The following PLCE1 variants were observed in gnomAD, a reference collection of about 807,000 sequenced individuals.
PLCE1 encodes the protein 1-phosphatidylinositol 4,5-bisphosphate phosphodiesterase epsilon-1.
A neutral mutation model predicts 242.8 loss-of-function variants in PLCE1; 119 were observed. The ratio of observed to expected loss-of-function variants is 0.49; its 90% CI spans 0.42 to 0.57. The LOEUF (loss-of-function observed/expected upper bound fraction) is 0.57. Among genes scored for constraint, PLCE1 ranks in the 20% least tolerant of loss-of-function variants. PLCE1 has a pLI of 0.00. For synonymous variants in PLCE1, 945 were observed against 1,017.4 expected (o/e 0.93, Z 1.35); for missense variants, 2,441 against 2,788.8 (o/e 0.88, Z 2.81).
intron 3 of PLCE1, among the ~76,000 whole-genome samples, chr10:94,143,915 A>G (rs2047042079): frequency 6.6e-6 from 1 of 152,194 alleles, no homozygotes; most frequent in African/African-American, 2.4e-5. Context: ...CTAAGGATCT[A>G]CCTTTGAATT....
Position 94,254,313 on chromosome 10 carries a change from G to T in PLCE1, c.3397+6G>T, listed in dbSNP as rs1208275421. 1 of 1,578,326 alleles carries T rather than the reference G, an allele frequency of 6.3e-7. No homozygotes were observed. The highest frequency in any genetic ancestry group is 1.7e-5 in the Admixed American group (1 of 59,960). ...TAATGAACAAGAAGAATCAGGTAAA[G>T]CGGCATGTTTACATCTGAGATTTTT... On this transcript the variant is annotated splice_donor_region_variant and intron_variant, in intron 10 of 32. Coordinates refer to ENST00000371380, the MANE Select transcript of PLCE1 (RefSeq NM_016341.4).
chr10:94,228,779 G>A (rs1370448882), intron 5 of PLCE1, among the ~76,000 whole-genome samples: 1 of 151,860 alleles, frequency 6.6e-6, no homozygotes, highest in Admixed American at 6.6e-5. Context: ...AAATGCATCA[G>A]GCATGGCTCA....
Position 94,080,903 on chromosome 10 carries a change from G to T in PLCE1, c.1206+48651G>T, listed in dbSNP as rs574961236. Among the ~76,000 whole-genome samples the T allele has an allele frequency of 3.9e-5, 6 of 152,280 alleles. No homozygotes were observed. The South Asian group carries it at 1.2e-3, about 32-fold the overall frequency. The stretch of plus-strand genomic sequence containing the variant: ...AAACATTTGCAGTATTTGCTTCAAA[G>T]AAATAAAATGTTACAGAAACAGTTG... On this transcript the variant is annotated intron_variant, in intron 2 of 32. Coordinates refer to ENST00000371380, the MANE Select transcript of PLCE1 (RefSeq NM_016341.4).
chr10:94,074,503 T>A (rs1183670011), intron 2 of PLCE1, among the ~76,000 whole-genome samples: 1 of 152,178 alleles, frequency 6.6e-6, no homozygotes, highest in Non-Finnish European at 1.5e-5. Context: ...TCCCAAACAG[T>A]TCTACCAGTT....
At chr10:94,224,094 G>T (rs1201557166) in intron 4 of PLCE1, among the ~76,000 whole-genome samples, 1 of 120,536 alleles carries the variant, frequency 8.3e-6, no homozygotes, top group East Asian at 3.2e-4. Flanking sequence ...AGATGTTGGG[G>T]TGTGTGTGCG....
At chr10:94,321,426 G>A (rs1008476574) in intron 29 of PLCE1, among the ~76,000 whole-genome samples, 1 of 152,200 alleles carries the variant, frequency 6.6e-6, no homozygotes, top group Non-Finnish European at 1.5e-5. Context: ...AAGGTCAGGA[G>A]TTCAAGACCA....
chr10:94,163,782 C>T lies in PLCE1; in HGVS notation c.1493-7398C>T, dbSNP rs191720708. Among the ~76,000 whole-genome samples, 823 of 152,240 alleles carry T rather than the reference C, an allele frequency of 5.4e-3. 4 individuals carry two copies. Among genetic ancestry groups the T allele is most frequent in the African/African-American group, 0.018 (747 of 41,528 alleles). ...GTCTTTACAATTTGGCATGTTTTTGCGGTGGCTGGTACCGGTTGTTCCTTT... is the reference window on the plus strand; with the variant it reads ...GTCTTTACAATTTGGCATGTTTTTGTGGTGGCTGGTACCGGTTGTTCCTTT... On this transcript the variant is annotated intron_variant, in intron 3 of 32. Coordinates refer to ENST00000371380, the MANE Select transcript of PLCE1 (RefSeq NM_016341.4).
At chr10:94,185,356 C>G (rs185171669) in intron 4 of PLCE1, among the ~76,000 whole-genome samples, 1 of 152,240 alleles carries the variant, frequency 6.6e-6, no homozygotes, top group East Asian at 1.9e-4. Flanking sequence ...ATTAGCCAGG[C>G]ATGGTAGTGT....
chr10:94,218,345 G>A (rs956617124), intron 4 of PLCE1, among the ~76,000 whole-genome samples: 4 of 152,186 alleles, frequency 2.6e-5, no homozygotes, highest in South Asian at 2.1e-4. Flanking sequence ...GGTAAGTTAG[G>A]TAAAGCCCAG....
intron 2 of PLCE1, among the ~76,000 whole-genome samples, chr10:94,113,695 G>A (rs2046025998): frequency 6.6e-6 from 1 of 152,204 alleles, no homozygotes; most frequent in African/African-American, 2.4e-5. Context: ...GTGACATTAA[G>A]ACTGCCTTAA....
intron 4 of PLCE1, among the ~76,000 whole-genome samples, chr10:94,201,544 C>T (rs1249933387): frequency 6.6e-6 from 1 of 152,160 alleles, no homozygotes; most frequent in African/African-American, 2.4e-5. Flanking sequence ...GGCATGATCT[C>T]GGCTCACTGC....
intron 2 of PLCE1, among the ~76,000 whole-genome samples, chr10:94,125,559 T>C (rs913899635): frequency 1.3e-5 from 2 of 152,158 alleles, no homozygotes; most frequent in Non-Finnish European, 2.9e-5. Context: ...TATTTTTAAA[T>C]GCTGATAATA....
intron 4 of PLCE1, among the ~76,000 whole-genome samples, chr10:94,174,660 CA>C (rs1451661870): frequency 6.6e-6 from 1 of 151,858 alleles, no homozygotes; most frequent in African/African-American, 2.4e-5. Flanking sequence ...GTGTTCTTGC[CA>C]AAAACACACC....
At chr10:94,040,102 G>C (rs1225067591) in intron 2 of PLCE1, among the ~76,000 whole-genome samples, 1 of 152,044 alleles carries the variant, frequency 6.6e-6, no homozygotes, top group Non-Finnish European at 1.5e-5. Context: ...TATTCTACCA[G>C]CAACAACTTT....
intron 23 of PLCE1, among the ~76,000 whole-genome samples, chr10:94,297,587 T>C (rs1159144126): frequency 1.6e-5 from 1 of 62,988 alleles, no homozygotes; most frequent in African/African-American, 6.2e-5. Context: ...AACTTTAAAT[T>C]TGTAAAAAAA....
At position 94,265,861 on chromosome 10, in the gene PLCE1, A is replaced by G; in HGVS notation, c.4184A>G (p.Gln1395Arg). 1 of 1,614,072 alleles carries G rather than the reference A, an allele frequency of 6.2e-7. No homozygotes were observed. Among genetic ancestry groups the G allele is most frequent in the Non-Finnish European group, 8.5e-7 (1 of 1,179,934 alleles). ...DESQENIKELQLPLSYYYIES... is the reference protein window; with the variant it reads ...DESQENIKELRLPLSYYYIES... ...TCACAGGAGAACATTAAAGAACTGC[A>G]GCTACCCCTCTCATACTATTACATC... is the stretch of plus-strand genomic sequence containing the variant. The change falls in exon 16 of 33, where the codon CAG (glutamine) becomes CGG (arginine). Residue 1395 changes from glutamine (Q) to arginine (R), a missense_variant. By Grantham distance (43) the Gln-to-Arg change is conservative. Around this residue, in one of 5 missense-constraint regions of PLCE1, gnomAD observed 1,004 missense variants for 1,322.7 expected, o/e 0.76. Transcript: ENST00000371380.
chr10:94,189,643 A>G (rs116679638), intron 4 of PLCE1, among the ~76,000 whole-genome samples: 575 of 152,294 alleles, frequency 3.8e-3, no homozygotes, highest in African/African-American at 0.013. Flanking sequence ...AAGGGGCCTG[A>G]TTTAGGATGA....
intron 2 of PLCE1, among the ~76,000 whole-genome samples, chr10:94,044,216 G>A (rs1483911156): frequency 1.3e-5 from 2 of 152,178 alleles, no homozygotes; most frequent in African/African-American, 4.8e-5. Flanking sequence ...TGAAAGTAAT[G>A]AAATAGATTT....
At chr10:94,303,810 A>T (rs2053116339) in intron 24 of PLCE1, among the ~76,000 whole-genome samples, 1 of 151,930 alleles carries the variant, frequency 6.6e-6, no homozygotes, top group Non-Finnish European at 1.5e-5. Context: ...AATATTCATT[A>T]AAAAAAATGG....
Sources: allele counts gnomAD v4.1 joint callset (sites outside exome capture counted in the v4.1 genomes callset), GRCh38; gene constraint gnomAD v4.1.1; regional missense constraint gnomAD v4.1.1; transcripts MANE v1.5; gene names NCBI Gene and HGNC (gene_info 2026-07-23, HGNC 2026-07-21).